The following TMEM230 variants were observed in gnomAD, a reference collection of about 807,000 sequenced individuals.
TMEM230 encodes transmembrane protein 230, also known as UPF0414 transmembrane protein C20orf30.
Under a neutral mutation model 15.8 loss-of-function variants are expected in TMEM230, and 10 were observed. That is an observed-to-expected ratio of 0.63 (90% CI 0.39 to 1.07). TMEM230 has a LOEUF of 1.07. TMEM230 is among the 50% of genes least tolerant of loss of function. The pLI is 0.01. For missense variants in TMEM230, 165 were observed against 193.3 expected (o/e 0.85, Z 0.87); for synonymous variants, 67 against 76.9 (o/e 0.87, Z 0.68).
At position 5,085,577 on chromosome 20, in the gene TMEM230, C is replaced by T. The variant is rs540567082; in HGVS notation, c.223-16228G>A. 1.5e-4 allele frequency among the ~76,000 whole-genome samples: 23 copies of T among 152,246 alleles called. No homozygotes were observed. In the South Asian group the frequency reaches 1.7e-3, roughly 11 times the overall value. On this transcript the variant is annotated intron_variant, in intron 3 of 3. Transcript: ENST00000612323. ...GTGCTGAGATTACAGTGAGCCACTG[C>T]GCCTGGCTTCCTGAATCTTTTCATG...
intron 3 of TMEM230, among the ~76,000 whole-genome samples, chr20:5,108,519 T>C (rs1050627873): frequency 1.1e-4 from 16 of 152,106 alleles, no homozygotes; most frequent in African/African-American, 3.6e-4. Flanking sequence ...TATGAACAAA[T>C]TCAATTCAAG....
chr20:5,101,034 G>T, intron 4 of TMEM230, 103 bp from the exon 4 acceptor site: 2 of 1,359,278 alleles, frequency 1.5e-6, no homozygotes, highest in Admixed American at 6.2e-5. Flanking sequence ...ATACTCTTCA[G>T]TACTTTTTCT....
intron 3 of TMEM230, among the ~76,000 whole-genome samples, chr20:5,070,857 G>T (rs963374388): frequency 7.2e-5 from 11 of 152,090 alleles, no homozygotes; most frequent in African/African-American, 1.9e-4. Flanking sequence ...GCCTTGACCT[G>T]TTGCACTCAA....
chr20:5,060,070 C>A, the TMEM230 span, among the ~76,000 whole-genome samples: 1 of 152,074 alleles, frequency 6.6e-6, no homozygotes, highest in African/African-American at 2.4e-5. Flanking sequence ...CTGCTCCCAG[C>A]CAGCTAATGT....
chr20:5,071,638 AC>A (rs2088832036), intron 3 of TMEM230, among the ~76,000 whole-genome samples: 4 of 13,974 alleles, frequency 2.9e-4, no homozygotes, highest in African/African-American at 9.0e-5. Flanking sequence ...AAAAAAAAAA[AC>A]AAAAAGGGTA....
downstream of TMEM230, among the ~76,000 whole-genome samples, chr20:5,065,267 T>C (rs949188028): frequency 6.6e-6 from 1 of 151,736 alleles, no homozygotes; most frequent in African/African-American, 2.4e-5. Flanking sequence ...AAAAAAAAGA[T>C]TAACTTCCCA....
At position 5,091,724 on chromosome 20, in the gene TMEM230, T is replaced by C. The variant is rs887803843; in HGVS notation, c.222+14464A>G. Among the ~76,000 whole-genome samples the C allele has an allele frequency of 5.6e-5, 6 of 106,712 alleles. No individual in the cohort carries two copies. The Admixed American group carries it at 6.0e-4, about 11-fold the overall frequency. 70.0% of individuals were successfully genotyped at this position (106,712 alleles called of 152,430 possible). On this transcript the variant is annotated intron_variant, in intron 3 of 3. Coordinates refer to the TMEM230 transcript ENST00000612323. Reference sequence around the variant, plus strand: ...GATGGGCATGGTGGACGATTCCTTTTTGATACCTACCAAAGCTATGTCCGT... The same window carrying C: ...GATGGGCATGGTGGACGATTCCTTTCTGATACCTACCAAAGCTATGTCCGT...
intron 3 of TMEM230, among the ~76,000 whole-genome samples, chr20:5,069,548 A>G (rs2088757432): frequency 6.6e-6 from 1 of 152,134 alleles, no homozygotes; most frequent in Non-Finnish European, 1.5e-5. Context: ...TGAGTGACCA[A>G]GGGAAACTAC....
intron 3 of TMEM230, among the ~76,000 whole-genome samples, chr20:5,082,031 G>A (rs1368881087): frequency 6.6e-6 from 1 of 150,956 alleles, no homozygotes; most frequent in Non-Finnish European, 1.5e-5. Flanking sequence ...CCACCACCAC[G>A]CCTGGCTAAT....
At chr20:5,095,434 G>A (rs1377306957), downstream of TMEM230, among the ~76,000 whole-genome samples, 1 of 152,170 alleles carries the variant, frequency 6.6e-6, no homozygotes, top group Non-Finnish European at 1.5e-5. Flanking sequence ...TGGGACTCCT[G>A]TCTCGATTTC....
At chr20:5,081,522 C>T (rs1378647308) in intron 3 of TMEM230, among the ~76,000 whole-genome samples, 1 of 152,166 alleles carries the variant, frequency 6.6e-6, no homozygotes, top group Non-Finnish European at 1.5e-5. Context: ...GAACCTTGAA[C>T]ACTCCCACGA....
rs1275081261 is a variant in TMEM230, at chr20:5,076,818, C to T, written c.223-7469G>A. ...TCAGCCTCCAGAGTAGCTGGGATTA[C>T]AGGCAAGCGCCACTACACCTGGCTA... On this transcript the variant is annotated intron_variant, in intron 3 of 3. Transcript: ENST00000612323. 2.7e-5 allele frequency among the ~76,000 whole-genome samples: 4 copies of T among 150,256 alleles called. No homozygotes were observed. In the East Asian group the frequency reaches 8.3e-4, roughly 31 times the overall value.
At chr20:5,064,160 G>A (rs1254588055), downstream of TMEM230, among the ~76,000 whole-genome samples, 3 of 152,062 alleles carry the variant, frequency 2.0e-5, no homozygotes, top group African/African-American at 2.4e-5. Flanking sequence ...CCAGCTACTC[G>A]GGAGGCTGAG....
intron 3 of TMEM230, among the ~76,000 whole-genome samples, chr20:5,083,676 A>G (rs1391912763): frequency 2.6e-5 from 4 of 152,158 alleles, no homozygotes; most frequent in African/African-American, 9.7e-5. Context: ...ATTCGTTTGG[A>G]TGGGCTTTGA....
intron 3 of TMEM230, among the ~76,000 whole-genome samples, chr20:5,084,125 T>A (rs2089261945): frequency 6.6e-6 from 1 of 152,200 alleles, no homozygotes; most frequent in Admixed American, 6.6e-5. Context: ...GGTTTTCTGT[T>A]CCTGCGTTAA....
chr20:5,079,208 T>C (rs947005607), intron 3 of TMEM230, among the ~76,000 whole-genome samples: 6 of 151,926 alleles, frequency 3.9e-5, no homozygotes, highest in African/African-American at 1.2e-4. Context: ...AGGCTGGCCT[T>C]GATCTCCTGG....
chr20:5,089,014 T>C (rs2089435466), intron 3 of TMEM230, among the ~76,000 whole-genome samples: 2 of 152,200 alleles, frequency 1.3e-5, no homozygotes, highest in Non-Finnish European at 2.9e-5. Flanking sequence ...AAAAATGTTA[T>C]GGTCACGAAA....
At chr20:5,101,169 CCTTT>C (rs1009211952) in intron 4 of TMEM230, among the ~76,000 whole-genome samples, 48 of 152,078 alleles carry the variant, frequency 3.2e-4, no homozygotes, top group South Asian at 2.1e-4. Flanking sequence ...GGCTTCTTTT[CCTTT>C]TTTTAAAGCT....
At chr20:5,105,023 G>A (rs1045086744) in intron 4 of TMEM230, among the ~76,000 whole-genome samples, 1 of 152,214 alleles carries the variant, frequency 6.6e-6, no homozygotes, top group East Asian at 1.9e-4. Context: ...GGTAGCTCAC[G>A]CCTGTAATCC....
Sources: allele counts gnomAD v4.1 joint callset (sites outside exome capture counted in the v4.1 genomes callset), GRCh38; gene constraint gnomAD v4.1.1; transcripts MANE v1.5; gene names NCBI Gene and HGNC (gene_info 2026-07-23, HGNC 2026-07-21).